Variants in COL25A1 observed in about 807,000 individuals in gnomAD.
The protein encoded by COL25A1 is collagen type XXV alpha 1 chain, also known as collagen alpha-1(XXV) chain.
Under a neutral mutation model 128.4 loss-of-function variants are expected in COL25A1, and 103 were observed. That is an observed-to-expected ratio of 0.80 (90% CI 0.68 to 0.94). The LOEUF (loss-of-function observed/expected upper bound fraction) is 0.94, where lower values mean the gene tolerates loss of function less well. COL25A1 is among the 40% of genes least tolerant of loss of function. The pLI, the probability that COL25A1 is intolerant of heterozygous loss-of-function variation, is 0.00. For synonymous variants in COL25A1, 279 were observed against 277.2 expected (o/e 1.01, Z -0.06); for missense variants, 745 against 840.0 (o/e 0.89, Z 1.40).
chr4:109,082,850 GATT>G lies in COL25A1; in HGVS notation c.368-32674_368-32672del, dbSNP rs1473329630. ...TACTGGCATGGGGGTTTGTTGTACA[GATT>G]ATTTCATCACCCAGGTACTAAGCCT... On this transcript the variant is annotated intron_variant, in intron 3 of 37. Transcript: ENST00000399132. Among the ~76,000 whole-genome samples, 7 of 152,170 alleles carry G rather than the reference GATT, an allele frequency of 4.6e-5. No individual in the cohort carries two copies. In the East Asian group the frequency reaches 1.4e-3, roughly 29 times the overall value.
Position 108,935,638 on chromosome 4 carries a change from C to A in COL25A1, c.708+2170G>T, listed in dbSNP as rs371593026. ...AAGAAAAGTTTGTAGAAAAAAAAAA[C>A]CAGTATTGTTTCACCTGAGAAAGTT... On this transcript the variant is annotated intron_variant, in intron 11 of 37. Coordinates refer to ENST00000399132, the MANE Select transcript of COL25A1 (RefSeq NM_198721.4). Among the ~76,000 whole-genome samples the A allele has an allele frequency of 2.1e-3, 323 of 151,096 alleles. 1 individual carries two copies. Among genetic ancestry groups the A allele is most frequent in the African/African-American group, 7.5e-3 (307 of 41,196 alleles).
chr4:109,203,683 G>C (rs1411015039), intron 3 of COL25A1, among the ~76,000 whole-genome samples: 1 of 151,966 alleles, frequency 6.6e-6, no homozygotes, highest in Non-Finnish European at 1.5e-5. Flanking sequence ...GAGTATCTTA[G>C]GGTGAAATAA....
chr4:109,252,655 A>G (rs946484859), intron 3 of COL25A1, among the ~76,000 whole-genome samples: 3 of 152,152 alleles, frequency 2.0e-5, no homozygotes, highest in African/African-American at 7.2e-5. Context: ...GTTCCTTCCA[A>G]GTCCCTGACT....
At chr4:108,849,391 ATCAAT>A (rs1399187979) in intron 26 of COL25A1, among the ~76,000 whole-genome samples, 2 of 152,212 alleles carry the variant, frequency 1.3e-5, no homozygotes, top group Admixed American at 6.5e-5. Flanking sequence ...TAACTTTTAG[ATCAAT>A]TCAATTTCTT....
chr4:109,256,193 CTGTG>C (rs1402336041), intron 3 of COL25A1, among the ~76,000 whole-genome samples: 2 of 151,644 alleles, frequency 1.3e-5, no homozygotes, highest in Non-Finnish European at 2.9e-5. Context: ...ACTTCTGGTG[CTGTG>C]TGTCTGATAC....
At chr4:108,947,651 AC>A (rs1369750895) in intron 8 of COL25A1, among the ~76,000 whole-genome samples, 1 of 152,164 alleles carries the variant, frequency 6.6e-6, no homozygotes, top group Non-Finnish European at 1.5e-5. Context: ...AATTCTCCTC[AC>A]AAAAATTCTA....
chr4:108,830,931 T>C (rs1174862465), intron 32 of COL25A1, among the ~76,000 whole-genome samples: 2 of 152,264 alleles, frequency 1.3e-5, no homozygotes, highest in Non-Finnish European at 2.9e-5. Flanking sequence ...ATTAAGATGA[T>C]CTTCAGAAGT....
At chr4:108,826,078 T>C (rs2125716835) in intron 33 of COL25A1, among the ~76,000 whole-genome samples, 1 of 152,302 alleles carries the variant, frequency 6.6e-6, no homozygotes, top group Admixed American at 6.5e-5. Context: ...TTATGTTTAT[T>C]ATTTCAATTC....
intron 6 of COL25A1, among the ~76,000 whole-genome samples, chr4:108,987,524 A>G (rs1027185294): frequency 7.2e-5 from 11 of 151,956 alleles, no homozygotes; most frequent in African/African-American, 2.7e-4. Context: ...ACAGATGCCC[A>G]CCACCATGCC....
In COL25A1 at chr4:108,974,288, T is replaced by C. The variant is rs2125988501; in HGVS notation, c.492+79A>G. 1.2e-5 allele frequency: 17 copies of C among 1,474,080 alleles called. No homozygotes were observed. In the South Asian group the frequency reaches 1.9e-4, roughly 17 times the overall value. The allele number at this position is 1,474,080 out of a possible 1,614,324, so 91.3% of individuals were successfully genotyped here. On this transcript the variant is annotated intron_variant, in intron 8 of 37. Transcript: ENST00000399132. ...GAACCATGTGGCACAAAGGCAGTTA[T>C]GAAGCTGGGGTACTTTCATTCAATA...
At chr4:109,102,265 A>G (rs1560695210) in intron 3 of COL25A1, among the ~76,000 whole-genome samples, 1 of 151,904 alleles carries the variant, frequency 6.6e-6, no homozygotes, top group Non-Finnish European at 1.5e-5. Context: ...TACTCTTGTG[A>G]TTTTTTTCCC....
intron 12 of COL25A1, among the ~76,000 whole-genome samples, chr4:108,920,095 T>C (rs904883459): frequency 6.6e-6 from 1 of 152,148 alleles, no homozygotes; most frequent in African/African-American, 2.4e-5. Flanking sequence ...ATTCTGATGA[T>C]TGCGGATAAC....
intron 13 of COL25A1, among the ~76,000 whole-genome samples, chr4:108,910,925 C>T (rs762143825): frequency 4.6e-5 from 7 of 152,148 alleles, no homozygotes; most frequent in East Asian, 1.9e-4. Context: ...TTCAGTTTCT[C>T]ATAAACTAAT....
chr4:109,048,738 AAATACTAGTTCTAAGTAGCT>A (rs1041606155), intron 4 of COL25A1, among the ~76,000 whole-genome samples: 3 of 152,178 alleles, frequency 2.0e-5, no homozygotes, highest in Admixed American at 2.0e-4. Flanking sequence ...TGCTCAATTA[AAATACTAGTTCTAAGTAGCT>A]AGGAAGTTGG....
chr4:108,814,333 T>C (rs771292315), intron 37 of COL25A1, among the ~76,000 whole-genome samples: 47 of 152,334 alleles, frequency 3.1e-4, no homozygotes, highest in Non-Finnish European at 3.7e-4. Context: ...ACAATACAAC[T>C]GTGGAAAGGG....
intron 6 of COL25A1, among the ~76,000 whole-genome samples, chr4:108,986,296 A>G (rs1269319730): frequency 2.0e-5 from 3 of 152,204 alleles, no homozygotes; most frequent in African/African-American, 7.2e-5. Context: ...TACAATGAAA[A>G]AGTTGCCATA....
At chr4:108,855,530 G>A (rs1008385426) in intron 24 of COL25A1, among the ~76,000 whole-genome samples, 3 of 151,982 alleles carry the variant, frequency 2.0e-5, no homozygotes, top group African/African-American at 7.2e-5. Flanking sequence ...AAAGGAAAGG[G>A]ATTTTCAAAT....
At chr4:109,116,213 G>A (rs1263170059) in intron 3 of COL25A1, among the ~76,000 whole-genome samples, 1 of 151,984 alleles carries the variant, frequency 6.6e-6, no homozygotes, top group African/African-American at 2.4e-5. Flanking sequence ...CCAGGGGCTC[G>A]CAGTGAATAC....
Position 108,912,039 on chromosome 4 carries a change from T to C in COL25A1, c.780+6133A>G, listed in dbSNP as rs1744292588. On this transcript the variant is annotated intron_variant, in intron 13 of 37. Coordinates refer to ENST00000399132, the MANE Select transcript of COL25A1 (RefSeq NM_198721.4). ...TCAAGCCAGCAGGAAAAAACTTCCT[T>C]CAACTAACTTTTTGTTTCCCCCTAA... 3.3e-5 allele frequency among the ~76,000 whole-genome samples: 5 copies of C among 152,156 alleles called. No individual in the cohort carries two copies. The South Asian group carries it at 1.0e-3, about 31-fold the overall frequency.
Sources: allele counts gnomAD v4.1 joint callset (sites outside exome capture counted in the v4.1 genomes callset), GRCh38; gene constraint gnomAD v4.1.1; transcripts MANE v1.5; gene names NCBI Gene and HGNC (gene_info 2026-07-23, HGNC 2026-07-21).